USP34: variants seen among roughly 807,000 people sequenced by gnomAD.
USP34 encodes the protein ubiquitin carboxyl-terminal hydrolase 34.
In USP34, 70 loss-of-function variants were observed where a neutral mutation model predicts 460.3. That is an observed-to-expected ratio of 0.15 (90% CI 0.13 to 0.19). USP34 has a LOEUF of 0.19. Ranked by LOEUF, USP34 falls within the 10% of genes least tolerant of loss-of-function variation. The pLI is 1.00. For missense variants in USP34, 3,985 were observed against 4,236.2 expected, an observed-to-expected ratio of 0.94 and a Z score of 1.65; for synonymous variants, 1,647 against 1,405.3, an observed-to-expected ratio of 1.17 and a Z score of -3.85.
intron 1 of USP34, among the ~76,000 whole-genome samples, chr2:61,460,472 G>A (rs921617295): frequency 4.6e-5 from 7 of 151,982 alleles, no homozygotes; most frequent in Admixed American, 2.6e-4. Flanking sequence ...CAAGAGCAGC[G>A]ATACTAGTAA....
chr2:61,221,599 T>C lies in USP34; in HGVS notation c.7802A>G (p.Asn2601Ser), dbSNP rs367584212. The change falls in exon 66 of 80, where the codon AAT (asparagine) becomes AGT (serine). Residue 2601 changes from asparagine (N) to serine (S), a missense_variant. Physicochemically the swap from Asn to Ser is conservative, Grantham distance 46 (BLOSUM62 1). Around this residue, in one of 14 missense-constraint regions of USP34, gnomAD observed 604 missense variants for 684.8 expected, o/e 0.88. Coordinates refer to ENST00000398571, the MANE Select transcript of USP34 (RefSeq NM_014709.4). ...SIAKLTPEAA[N>S]PFFKLLTMLM... ...CATAGTCAACAACTTAAAGAAAGGATTGGCTGCCTGTAAAACACATACATG... is the reference window on the plus strand; with the variant it reads ...CATAGTCAACAACTTAAAGAAAGGACTGGCTGCCTGTAAAACACATACATG... 1.3e-5 allele frequency: 21 copies of C among 1,613,774 alleles called. No individual in the cohort carries two copies. The highest frequency in any genetic ancestry group is 1.6e-4 in the Middle Eastern group (1 of 6,084).
At chr2:61,265,636 T>A (rs1003044933) in intron 42 of USP34, 79 bp from the exon 43 acceptor site, 26 of 1,381,676 alleles carry the variant, frequency 1.9e-5, no homozygotes, top group Non-Finnish European at 2.4e-5. Flanking sequence ...ATTAACAGCC[T>A]CTACCTCCAT....
chr2:61,228,510 C>G (rs200302411), intron 61 of USP34, 135 bp downstream of exon 61: 2 of 667,778 alleles, frequency 3.0e-6, no homozygotes, highest in East Asian at 2.7e-5. Flanking sequence ...ATCAACCAAT[C>G]TTAGACCCTT....
rs895607051 is a variant in USP34 at position 61,350,580 on chromosome 2, A to C, written c.1365T>G (p.Val455=). The C allele has an allele frequency of 1.9e-6, 3 of 1,611,542 alleles. No homozygotes were observed. Among genetic ancestry groups the C allele is most frequent in the Non-Finnish European group, 2.5e-6 (3 of 1,179,342 alleles). Residue 455 remains valine, a synonymous_variant, in exon 11 of 80, where the codon GTT becomes GTG. Coordinates refer to ENST00000398571, the MANE Select transcript of USP34 (RefSeq NM_014709.4). ...TTGAATGTATTACCTGTTCAGTATG[A>C]ACACTTGGCTCAAGAGCTGAGACCA... The part of the protein sequence containing the change: ...LNLVSALEPS[V]HTEQTLYLAS...
intron 5 of USP34, among the ~76,000 whole-genome samples, chr2:61,394,235 A>C (rs560973723): frequency 4.1e-4 from 63 of 152,342 alleles, no homozygotes; most frequent in African/African-American, 1.5e-3. Flanking sequence ...GAAATGTTAC[A>C]ATCTTCATGT....
Position 61,395,073 on chromosome 2 carries a change from A to G in USP34, c.604-71T>C. ...AATTTTTATCTTAGCAATACTGGAA[A>G]GATACTGATGAGAAACTCAAAAGAC... On this transcript the variant is annotated intron_variant, in intron 4 of 79. Coordinates refer to ENST00000398571, the MANE Select transcript of USP34 (RefSeq NM_014709.4). The G allele has an allele frequency of 4.0e-6, 6 of 1,494,558 alleles. No individual in the cohort carries two copies. In the South Asian group the frequency reaches 7.8e-5, roughly 19 times the overall value. 92.6% of individuals were successfully genotyped at this position (1,494,558 alleles called of 1,614,324 possible).
At chr2:61,421,915 T>A in intron 1 of USP34, among the ~76,000 whole-genome samples, 1 of 152,116 alleles carries the variant, frequency 6.6e-6, no homozygotes, top group East Asian at 1.9e-4. Context: ...GTTGGAAGAT[T>A]CCTCTCTGGT....
intron 1 of USP34, among the ~76,000 whole-genome samples, chr2:61,442,816 A>G (rs1695001097): frequency 6.6e-6 from 1 of 152,140 alleles, no homozygotes; most frequent in African/African-American, 2.4e-5. Context: ...CCACGATTAC[A>G]GCACTATTCA....
At chr2:61,347,788 GAATA>G in intron 15 of USP34, 78 bp downstream of exon 15, 2 of 1,547,344 alleles carry the variant, frequency 1.3e-6, no homozygotes, top group Non-Finnish European at 1.7e-6. Context: ...CACTAATACA[GAATA>G]AATTGCAAAT....
At chr2:61,422,856 C>G (rs1694402182) in intron 1 of USP34, among the ~76,000 whole-genome samples, 1 of 151,972 alleles carries the variant, frequency 6.6e-6, no homozygotes, top group Non-Finnish European at 1.5e-5. Context: ...AACAATTAGC[C>G]AGGCATGGTG....
chr2:61,206,300 G>C (rs1687115495), intron 71 of USP34, among the ~76,000 whole-genome samples, 176 bp from the exon 72 acceptor site: 6 of 152,202 alleles, frequency 3.9e-5, no homozygotes, highest in Admixed American at 3.9e-4. Flanking sequence ...AAACCTGCTA[G>C]ATTTCTTAAA....
rs1686524126 is a variant in USP34 at position 61,188,659 on chromosome 2, C to T, written c.10084G>A (p.Glu3362Lys). ...CTGATGCAGCTGTCTACAGTGTGCTCCTCATCACTGCTAACACGCCGCCTT... is the reference window on the plus strand; with the variant it reads ...CTGATGCAGCTGTCTACAGTGTGCTTCTCATCACTGCTAACACGCCGCCTT... ...IKRRRVSSDEEHTVDSCISDM... is the reference protein window; with the variant it reads ...IKRRRVSSDEKHTVDSCISDM... Residue 3362 changes from glutamate to lysine, a missense_variant, in exon 80 of 80, where the codon GAG (glutamate) becomes AAG (lysine). Glu to Lys is a moderately conservative substitution (Grantham distance 56, BLOSUM62 1). Transcript: ENST00000398571. 1 of 1,614,094 alleles carries T rather than the reference C, an allele frequency of 6.2e-7. No individual in the cohort carries two copies. Among genetic ancestry groups the T allele is most frequent in the Non-Finnish European group, 8.5e-7 (1 of 1,180,002 alleles).
chr2:61,452,449 C>G (rs1695312409), intron 1 of USP34, among the ~76,000 whole-genome samples: 1 of 151,450 alleles, frequency 6.6e-6, no homozygotes, highest in Non-Finnish European at 1.5e-5. Flanking sequence ...CTCAGCCTCC[C>G]AAGTGGCTGG....
chr2:61,232,006 T>C (rs573354575), intron 58 of USP34, among the ~76,000 whole-genome samples: 1 of 152,128 alleles, frequency 6.6e-6, no homozygotes, highest in East Asian at 1.9e-4. Flanking sequence ...CATTGTCTAT[T>C]TTACCCAACA....
chr2:61,448,725 A>C lies in USP34; in HGVS notation c.43+21925T>G, dbSNP rs530618946. On this transcript the variant is annotated intron_variant, in intron 1 of 79. Coordinates refer to ENST00000398571, the MANE Select transcript of USP34 (RefSeq NM_014709.4). ...GTTCAAGGTTGCAGGATACAAGATCAAGGTACCAAATCAACCATATTTCTA... is the reference window on the plus strand; with the variant it reads ...GTTCAAGGTTGCAGGATACAAGATCCAGGTACCAAATCAACCATATTTCTA... Among the ~76,000 whole-genome samples, 8 of 152,366 alleles carry C rather than the reference A, an allele frequency of 5.3e-5. No individual in the cohort carries two copies. The South Asian group carries it at 1.7e-3, about 32-fold the overall frequency.
chr2:61,232,933 G>T (rs950324515), intron 57 of USP34, among the ~76,000 whole-genome samples: 1 of 129,456 alleles, frequency 7.7e-6, no homozygotes, highest in Non-Finnish European at 1.5e-5. Flanking sequence ...GCAGTGGCAC[G>T]ATCTCGGCTC....
At chr2:61,230,288 G>C (rs973847124) in intron 58 of USP34, among the ~76,000 whole-genome samples, 6 of 152,126 alleles carry the variant, frequency 3.9e-5, no homozygotes, top group Non-Finnish European at 8.8e-5. Flanking sequence ...CCAGCACTTT[G>C]GGAGGCTGTG....
intron 20 of USP34, among the ~76,000 whole-genome samples, chr2:61,330,917 T>A (rs530663704): frequency 6.6e-6 from 1 of 152,314 alleles, no homozygotes; most frequent in South Asian, 2.1e-4. Flanking sequence ...ATTTTTGAAG[T>A]AAATATTTAC....
In USP34 at chr2:61,283,142, T is replaced by C; in HGVS notation, c.4998+3A>G. ...CAGTACTAACCTTCAATCTTTATCT[T>C]ACCTCAGGAATAAGGAGAGTCAATT... is the stretch of plus-strand genomic sequence containing the variant. On this transcript the variant is annotated splice_donor_region_variant and intron_variant, in intron 37 of 79. Coordinates refer to ENST00000398571, the MANE Select transcript of USP34 (RefSeq NM_014709.4). 1 of 1,612,712 alleles carries C rather than the reference T, an allele frequency of 6.2e-7. No individual in the cohort carries two copies. The highest frequency in any genetic ancestry group is 1.1e-5 in the South Asian group (1 of 90,770).
Sources: allele counts gnomAD v4.1 joint callset (sites outside exome capture counted in the v4.1 genomes callset), GRCh38; gene constraint gnomAD v4.1.1; regional missense constraint gnomAD v4.1.1; transcripts MANE v1.5; gene names NCBI Gene and HGNC (gene_info 2026-07-23, HGNC 2026-07-21).